ELAPOR1: variants seen among roughly 807,000 people sequenced by gnomAD.
ELAPOR1 encodes the protein endosome-lysosome associated apoptosis and autophagy regulator 1.
ELAPOR1 carries 77 observed loss-of-function variants against 119.7 expected under a neutral mutation model. The observed-to-expected ratio is 0.64, with a 90% CI of 0.54 to 0.78. ELAPOR1 has a LOEUF of 0.78. Among genes scored for constraint, ELAPOR1 ranks in the 30% least tolerant of loss-of-function variants. ELAPOR1 has a pLI of 0.00. For missense variants in ELAPOR1, 1,115 were observed against 1,270.4 expected, an observed-to-expected ratio of 0.88 and a Z score of 1.86; for synonymous variants, 481 against 487.2, an observed-to-expected ratio of 0.99 and a Z score of 0.17.
chr1:109,200,255 G>C lies in ELAPOR1; in HGVS notation c.2807+18G>C. On this transcript the variant is annotated intron_variant, in intron 20 of 21. Coordinates refer to ENST00000369939, the MANE Select transcript of ELAPOR1 (RefSeq NM_020775.5). The stretch of plus-strand genomic sequence containing the variant: ...AATCAAAAGTACATGTTGCGGTATT[G>C]GAGTGTGGGGATGGACAGGGTTGGA... 1 of 1,609,550 alleles carries C rather than the reference G, an allele frequency of 6.2e-7. No homozygotes were observed. The highest frequency in any genetic ancestry group is 8.5e-7 in the Non-Finnish European group (1 of 1,176,186).
At chr1:109,191,285 GCAGACGCTCTGCTGTTGTCT>G in intron 11 of ELAPOR1, 61 bp from the exon 12 acceptor site, 1 of 917,668 alleles carries the variant, frequency 1.1e-6, no homozygotes, top group Non-Finnish European at 1.8e-6. Flanking sequence ...CTGTCCCCCA[GCAGACGCTCTGCTGTTGTCT>G]GGGCTCTTCA....
chr1:109,132,634 G>A (rs964290384), intron 1 of ELAPOR1, among the ~76,000 whole-genome samples: 14 of 152,176 alleles, frequency 9.2e-5, no homozygotes, highest in African/African-American at 2.4e-4. Context: ...TGATAACTGA[G>A]CGAGGCCTGA....
chr1:109,159,794 T>C (rs1330773533), intron 1 of ELAPOR1, among the ~76,000 whole-genome samples: 1 of 152,120 alleles, frequency 6.6e-6, no homozygotes, highest in Non-Finnish European at 1.5e-5. Context: ...AACGAGATGG[T>C]ATTTGGGAAC....
chr1:109,185,199 C>A, intron 8 of ELAPOR1, 66 bp downstream of exon 8: 1 of 1,266,158 alleles, frequency 7.9e-7, no homozygotes, highest in Non-Finnish European at 1.2e-6. Flanking sequence ...TGAGGTTTGC[C>A]ACCATTTGGA....
At chr1:109,200,025 G>A in intron 19 of ELAPOR1, 34 bp from the exon 20 acceptor site, 1 of 1,613,422 alleles carries the variant, frequency 6.2e-7, no homozygotes, top group Non-Finnish European at 8.5e-7. Context: ...GAAGGGAATG[G>A]GAGATCTGAG....
chr1:109,160,666 C>T (rs1165145522), intron 1 of ELAPOR1, among the ~76,000 whole-genome samples: 3 of 152,128 alleles, frequency 2.0e-5, no homozygotes, highest in Admixed American at 6.6e-5. Flanking sequence ...CAGGCTATCA[C>T]GTGGGTTAAA....
intron 1 of ELAPOR1, among the ~76,000 whole-genome samples, chr1:109,142,466 A>G (rs1649888177): frequency 6.6e-6 from 1 of 152,216 alleles, no homozygotes; most frequent in Non-Finnish European, 1.5e-5. Flanking sequence ...ATCACAGTCA[A>G]TCTCAAGCTA....
At chr1:109,182,590 G>A (rs984593149) in intron 7 of ELAPOR1, among the ~76,000 whole-genome samples, 6 of 151,818 alleles carry the variant, frequency 4.0e-5, no homozygotes, top group African/African-American at 1.5e-4. Context: ...ATTCCAGGCC[G>A]GGAGCGGTGG....
In ELAPOR1 at chr1:109,138,834, C is replaced by CAAAAAA. The variant is rs150398954; in HGVS notation, c.154-23048_154-23043dup. ...GGGCAACAAGAGTGAAACTCCATCTCAAAAAAAAAAAAAAAAAGAATCTTC... is the reference window on the plus strand; with the variant it reads ...GGGCAACAAGAGTGAAACTCCATCTCAAAAAAAAAAAAAAAAAAAAAAAGAATCTTC... On this transcript the variant is annotated intron_variant, in intron 1 of 21. Coordinates refer to ENST00000369939, the MANE Select transcript of ELAPOR1 (RefSeq NM_020775.5). 1.2e-3 allele frequency among the ~76,000 whole-genome samples: 128 copies of CAAAAAA among 107,288 alleles called. 3 individuals carry two copies. The South Asian group carries it at 0.018, about 15-fold the overall frequency. 70.4% of individuals were successfully genotyped at this position (107,288 alleles called of 152,430 possible). A position where few individuals can be genotyped will look rare whatever the true frequency, so the allele number is the denominator to read the frequency against.
chr1:109,146,662 A>T (rs1355292427), intron 1 of ELAPOR1, among the ~76,000 whole-genome samples: 2 of 152,230 alleles, frequency 1.3e-5, no homozygotes, highest in Non-Finnish European at 2.9e-5. Context: ...ACAAATGCAA[A>T]AGCAGGCACT....
Position 109,188,217 on chromosome 1 carries a change from G to A in ELAPOR1, c.1082G>A (p.Ser361Asn). Residue 361 changes from serine to asparagine, a missense_variant, in exon 9 of 22, where the codon AGC (serine) becomes AAC (asparagine). Physicochemically the swap from Ser to Asn is conservative, Grantham distance 46. Transcript: ENST00000369939. The stretch of plus-strand genomic sequence containing the variant: ...AAATGGGCCAAGCCGAAAATCTGTA[G>A]CGAGGACCTTGAGGGGGCAGTGAAG... ...MYKWAKPKIC[S>N]EDLEGAVKLP... The A allele has an allele frequency of 6.2e-7, 1 of 1,613,398 alleles. No homozygotes were observed. The highest frequency in any genetic ancestry group is 8.5e-7 in the Non-Finnish European group (1 of 1,179,360).
chr1:109,171,726 C>T, intron 3 of ELAPOR1, 140 bp from the exon 4 acceptor site: 5 of 853,384 alleles, frequency 5.9e-6, no homozygotes, highest in Middle Eastern at 3.6e-4. Flanking sequence ...CTTCACTGAG[C>T]ATTTTCAGGT....
At chr1:109,143,636 A>G (rs1649967504) in intron 1 of ELAPOR1, among the ~76,000 whole-genome samples, 1 of 152,202 alleles carries the variant, frequency 6.6e-6, no homozygotes, top group Non-Finnish European at 1.5e-5. Context: ...CAATTTTTAA[A>G]TAAATGGTAA....
At chr1:109,136,757 A>G (rs1649497089) in intron 1 of ELAPOR1, among the ~76,000 whole-genome samples, 1 of 152,242 alleles carries the variant, frequency 6.6e-6, no homozygotes, top group African/African-American at 2.4e-5. Context: ...CTCAGTTAGC[A>G]ACAGCCTCTG....
intron 5 of ELAPOR1, among the ~76,000 whole-genome samples, chr1:109,172,805 G>A (rs1390486301): frequency 6.6e-6 from 1 of 152,114 alleles, no homozygotes; most frequent in Admixed American, 6.6e-5. Context: ...CTTTAAGACT[G>A]GGTCTTCTGC....
chr1:109,144,037 A>ATC (rs1649998069), intron 1 of ELAPOR1, among the ~76,000 whole-genome samples: 3 of 43,668 alleles, frequency 6.9e-5, no homozygotes, highest in Non-Finnish European at 1.5e-4. Context: ...CTAAAATTAT[A>ATC]TATATATATA....
intron 4 of ELAPOR1, 148 bp downstream of exon 4, chr1:109,172,161 G>C: frequency 1.0e-6 from 1 of 995,208 alleles, no homozygotes; most frequent in Non-Finnish European, 1.5e-6. Context: ...AATGAGCTGA[G>C]GCCCAGGAGG....
chr1:109,122,317 G>A (rs1227246963), intron 1 of ELAPOR1, among the ~76,000 whole-genome samples: 1 of 150,658 alleles, frequency 6.6e-6, no homozygotes, highest in Non-Finnish European at 1.5e-5. Context: ...GGGATTACAG[G>A]CGTGAGCCAC....
At chr1:109,114,985 G>A (rs1407979204) in intron 1 of ELAPOR1, among the ~76,000 whole-genome samples, 1 of 152,142 alleles carries the variant, frequency 6.6e-6, no homozygotes. Context: ...CAGATTTTGA[G>A]TTCTTCAATA....
Sources: allele counts gnomAD v4.1 joint callset (sites outside exome capture counted in the v4.1 genomes callset), GRCh38; gene constraint gnomAD v4.1.1; transcripts MANE v1.5; gene names NCBI Gene and HGNC (gene_info 2026-07-23, HGNC 2026-07-21).